SH3PXD2A: variants seen among roughly 807,000 people sequenced by gnomAD.
The protein encoded by SH3PXD2A is SH3 and PX domain-containing protein 2A.
A neutral mutation model predicts 115.2 loss-of-function variants in SH3PXD2A; 32 were observed. The observed-to-expected ratio is 0.28, with a 90% confidence interval of 0.21 to 0.37. SH3PXD2A has a LOEUF of 0.37. Ranked by LOEUF, SH3PXD2A falls within the 10% of genes least tolerant of loss-of-function variation. The pLI, the probability that SH3PXD2A is intolerant of heterozygous loss-of-function variation, is 1.00. For missense variants in SH3PXD2A, 1,328 were observed against 1,498.7 expected (o/e 0.89, Z 1.88); for synonymous variants, 610 against 629.1 (o/e 0.97, Z 0.45).
chr10:103,779,804 C>T (rs1363003548), intron 2 of SH3PXD2A, among the ~76,000 whole-genome samples: 3 of 152,298 alleles, frequency 2.0e-5, no homozygotes, highest in South Asian at 4.1e-4. Context: ...CACTCTGTTT[C>T]CTCCTGGGGG....
intron 8 of SH3PXD2A, among the ~76,000 whole-genome samples, chr10:103,634,938 G>C (rs2036842251): frequency 6.6e-6 from 1 of 152,164 alleles, no homozygotes; most frequent in Admixed American, 6.5e-5. Flanking sequence ...CAGGGAGGTA[G>C]CTTAGGTTGA....
rs565020115 is a variant in SH3PXD2A, at chr10:103,698,202, C to A, written c.399-5146G>T. On this transcript the variant is annotated intron_variant, in intron 5 of 14. Transcript: ENST00000369774. Reference sequence around the variant, plus strand: ...GAAGCCAGGAAGAGCCACTGAGGCACGGGAGAGAGAGGAAAGGGGGCTGGG... The same window carrying A: ...GAAGCCAGGAAGAGCCACTGAGGCAAGGGAGAGAGAGGAAAGGGGGCTGGG... 3.3e-5 allele frequency among the ~76,000 whole-genome samples: 5 copies of A among 152,290 alleles called. No homozygotes were observed. The South Asian group carries it at 8.3e-4, about 25-fold the overall frequency.
intron 2 of SH3PXD2A, among the ~76,000 whole-genome samples, chr10:103,781,414 G>C (rs2038930632): frequency 6.6e-6 from 1 of 152,160 alleles, no homozygotes; most frequent in Non-Finnish European, 1.5e-5. Flanking sequence ...TCACCAGCTG[G>C]GGGAGTCTGA....
At chr10:103,668,478 C>T (rs1327800565) in intron 7 of SH3PXD2A, 130 bp downstream of exon 7, 1 of 803,146 alleles carries the variant, frequency 1.2e-6, no homozygotes, top group Non-Finnish European at 2.1e-6. Context: ...AGTGGCAGAC[C>T]CCCTGCCATG....
intron 6 of SH3PXD2A, among the ~76,000 whole-genome samples, chr10:103,669,644 A>G (rs990035624): frequency 1.3e-5 from 2 of 152,236 alleles, no homozygotes; most frequent in Non-Finnish European, 2.9e-5. Flanking sequence ...CAGACATGGA[A>G]CCAGGTCTGG....
chr10:103,801,509 G>A, intron 1 of SH3PXD2A, 147 bp from the exon 2 acceptor site: 1 of 512,620 alleles, frequency 2.0e-6, no homozygotes. Flanking sequence ...CACAGTATCA[G>A]CTACCATGTA....
chr10:103,680,028 G>C (rs2134102634), intron 6 of SH3PXD2A, among the ~76,000 whole-genome samples: 1 of 152,090 alleles, frequency 6.6e-6, no homozygotes, highest in South Asian at 2.1e-4. Context: ...CACCCAGGCT[G>C]GAGTGCAATG....
At chr10:103,803,591 T>C (rs1219944037) in intron 1 of SH3PXD2A, among the ~76,000 whole-genome samples, 1 of 152,138 alleles carries the variant, frequency 6.6e-6, no homozygotes, top group East Asian at 1.9e-4. Context: ...AGCTAATAAA[T>C]TACAGAGCAA....
intron 3 of SH3PXD2A, chr10:103,754,195 C>A (rs1262656441): frequency 6.6e-6 from 1 of 151,768 alleles, no homozygotes; most frequent in Non-Finnish European, 1.5e-5. Context: ...ACTTTTTTTT[C>A]TTTTTTGAAA....
intron 6 of SH3PXD2A, among the ~76,000 whole-genome samples, chr10:103,676,166 A>G (rs1411218822): frequency 6.6e-6 from 1 of 152,086 alleles, no homozygotes; most frequent in Non-Finnish European, 1.5e-5. Flanking sequence ...GGGGGATGTC[A>G]TTTTCTGATC....
rs1198036745 is a variant in SH3PXD2A, at chr10:103,756,633, T to A, written c.229+10461A>T. On this transcript the variant is annotated intron_variant, in intron 3 of 14. Transcript: ENST00000369774. The surrounding 1 kb of genome is among the most constrained non-coding windows in gnomAD (Gnocchi z 4.4). ...AGTCCTTTCCCTTCACCCCCACGGA[T>A]GCAGCCCACAGGCAGGAGTGGGGAG... Among the ~76,000 whole-genome samples, 1 of 152,122 alleles carries A rather than the reference T, an allele frequency of 6.6e-6. No homozygotes were observed. The highest frequency in any genetic ancestry group is 2.4e-5 in the African/African-American group (1 of 41,422).
At chr10:103,795,103 T>C (rs983016111) in intron 2 of SH3PXD2A, among the ~76,000 whole-genome samples, 5 of 152,222 alleles carry the variant, frequency 3.3e-5, no homozygotes, top group Non-Finnish European at 7.3e-5. Context: ...AAATGTTCCA[T>C]ATCTGCCCAA....
intron 2 of SH3PXD2A, among the ~76,000 whole-genome samples, chr10:103,791,773 C>T (rs1044619295): frequency 2.6e-5 from 4 of 151,944 alleles, no homozygotes; most frequent in Admixed American, 6.6e-5. Context: ...GGAAACTGCA[C>T]GAGAAGTTGC....
At chr10:103,609,798 T>C (rs1365875338) in intron 13 of SH3PXD2A, 2 of 152,120 alleles carry the variant, frequency 1.3e-5, no homozygotes, top group African/African-American at 4.8e-5. Flanking sequence ...GTGGGAGGGA[T>C]GAGGGGACGG....
chr10:103,826,974 G>T (rs2134298138), intron 1 of SH3PXD2A, among the ~76,000 whole-genome samples: 1 of 152,312 alleles, frequency 6.6e-6, no homozygotes, highest in East Asian at 1.9e-4. Flanking sequence ...GAATGAGCAA[G>T]AGGTAGGGAG....
intron 6 of SH3PXD2A, among the ~76,000 whole-genome samples, chr10:103,692,825 G>A (rs1214035705): frequency 6.6e-6 from 1 of 152,180 alleles, no homozygotes; most frequent in Non-Finnish European, 1.5e-5. Flanking sequence ...GGCGAACGAG[G>A]GTTCTAGGAC....
chr10:103,773,378 G>A (rs183541057), intron 2 of SH3PXD2A, among the ~76,000 whole-genome samples: 200 of 152,038 alleles, frequency 1.3e-3, no homozygotes, highest in African/African-American at 4.6e-3. Context: ...ACACATCAGC[G>A]AGCATCACAG....
intron 5 of SH3PXD2A, among the ~76,000 whole-genome samples, chr10:103,719,124 T>C (rs1286726693): frequency 1.3e-5 from 2 of 152,218 alleles, no homozygotes; most frequent in African/African-American, 4.8e-5. Flanking sequence ...CTGTTGTTTA[T>C]AAGCCACCCA....
intron 2 of SH3PXD2A, among the ~76,000 whole-genome samples, chr10:103,793,737 A>G (rs2039059640): frequency 6.6e-6 from 1 of 152,198 alleles, no homozygotes; most frequent in South Asian, 2.1e-4. Context: ...TTACCTCCCC[A>G]GGCTGTGGCC....
Sources: allele counts gnomAD v4.1 joint callset (sites outside exome capture counted in the v4.1 genomes callset), GRCh38; gene constraint gnomAD v4.1.1; non-coding constraint Gnocchi (gnomAD v3.1); transcripts MANE v1.5; gene names NCBI Gene and HGNC (gene_info 2026-07-23, HGNC 2026-07-21).